The following MOB3B variants were observed in gnomAD, a reference collection of about 807,000 sequenced individuals.
The protein encoded by MOB3B is MOB kinase activator-like 2B.
In MOB3B, 7 loss-of-function variants were observed where a neutral mutation model predicts 18.7. The ratio of observed to expected loss-of-function variants is 0.37; its 90% CI spans 0.21 to 0.70. The LOEUF (loss-of-function observed/expected upper bound fraction) is 0.70. Ranked by LOEUF, MOB3B falls within the 30% of genes least tolerant of loss-of-function variation. The probability of loss-of-function intolerance (pLI) is 0.52; values close to 1 mark genes in which losing one functional copy is unlikely to be tolerated. For synonymous variants in MOB3B, 111 were observed against 99.9 expected (o/e 1.11, Z -0.66); for missense variants, 253 against 281.3 (o/e 0.90, Z 0.72).
At chr9:27,427,139 A>G (rs750319114) in intron 2 of MOB3B, among the ~76,000 whole-genome samples, 13 of 152,226 alleles carry the variant, frequency 8.5e-5, no homozygotes, top group Non-Finnish European at 1.8e-4. Context: ...TACCTGCATC[A>G]GAGTTCAGGG....
At chr9:27,490,956 C>A (rs558530720) in intron 1 of MOB3B, among the ~76,000 whole-genome samples, 1 of 140,976 alleles carries the variant, frequency 7.1e-6, no homozygotes, top group Non-Finnish European at 1.5e-5. Context: ...TTTATCAAAG[C>A]CCTAGATAGC....
chr9:27,511,911 C>T (rs1320873056), intron 1 of MOB3B, among the ~76,000 whole-genome samples: 2 of 152,200 alleles, frequency 1.3e-5, no homozygotes, highest in African/African-American at 4.8e-5. Flanking sequence ...CCTCTCCTTC[C>T]TGGGCACCTG....
intron 1 of MOB3B, among the ~76,000 whole-genome samples, chr9:27,486,614 G>A (rs571667323): frequency 3.9e-5 from 6 of 152,246 alleles, no homozygotes; most frequent in Admixed American, 3.3e-4. Flanking sequence ...TCAAGGGCCC[G>A]CATTCTGATT....
At chr9:27,440,379 CTT>C (rs11310943) in intron 2 of MOB3B, among the ~76,000 whole-genome samples, 47 of 143,684 alleles carry the variant, frequency 3.3e-4, no homozygotes, top group African/African-American at 8.6e-4. Flanking sequence ...ATGATTCCTT[CTT>C]TTTTTTTTTT....
chr9:27,505,789 G>A (rs930837607), intron 1 of MOB3B, among the ~76,000 whole-genome samples: 3 of 152,136 alleles, frequency 2.0e-5, no homozygotes, highest in Admixed American at 1.3e-4. Flanking sequence ...TGACTCACAC[G>A]TGCAAAGTAT....
intron 3 of MOB3B, among the ~76,000 whole-genome samples, chr9:27,356,996 G>A (rs1281599875): frequency 6.6e-6 from 1 of 150,604 alleles, no homozygotes. Context: ...CTGCCCCTGA[G>A]AGCCTTCTAG....
chr9:27,455,775 C>A (rs1314441074), intron 1 of MOB3B, 27 bp from the exon 2 acceptor site: 4 of 1,411,958 alleles, frequency 2.8e-6, no homozygotes, highest in Non-Finnish European at 3.7e-6. Context: ...AAAGGGAACA[C>A]ATGAGTGCCC....
intron 2 of MOB3B, among the ~76,000 whole-genome samples, chr9:27,431,883 C>T (rs766762644): frequency 2.0e-5 from 3 of 152,142 alleles, no homozygotes; most frequent in Admixed American, 6.5e-5. Context: ...ATCAACATGA[C>T]GGATAAACAC....
intron 2 of MOB3B, among the ~76,000 whole-genome samples, chr9:27,369,315 T>C (rs971054719): frequency 1.3e-5 from 2 of 152,244 alleles, no homozygotes; most frequent in African/African-American, 4.8e-5. Context: ...AGAATCTTTC[T>C]TCCATTATGT....
intron 2 of MOB3B, among the ~76,000 whole-genome samples, chr9:27,438,182 C>T (rs901594808): frequency 6.6e-6 from 1 of 152,180 alleles, no homozygotes; most frequent in Non-Finnish European, 1.5e-5. Context: ...GTCACCCTAC[C>T]GTATACTACT....
intron 1 of MOB3B, among the ~76,000 whole-genome samples, chr9:27,507,320 G>A (rs114347363): frequency 0.011 from 1,670 of 152,190 alleles, 35 homozygotes; most frequent in African/African-American, 0.038. Context: ...GGGATCCTCC[G>A]TGTATCTCAG....
At chr9:27,473,464 G>T (rs1422690117) in intron 1 of MOB3B, among the ~76,000 whole-genome samples, 2 of 152,044 alleles carry the variant, frequency 1.3e-5, no homozygotes, top group Admixed American at 1.3e-4. Context: ...GGAAAGAGAA[G>T]CTGTCCAAGC....
At chr9:27,352,703 A>C (rs937568595) in intron 3 of MOB3B, among the ~76,000 whole-genome samples, 8 of 152,146 alleles carry the variant, frequency 5.3e-5, no homozygotes, top group Non-Finnish European at 1.2e-4. Flanking sequence ...AAAATAGAAA[A>C]ATCTAGAGAC....
At chr9:27,516,300 C>T (rs1439373094) in intron 1 of MOB3B, among the ~76,000 whole-genome samples, 2 of 152,134 alleles carry the variant, frequency 1.3e-5, no homozygotes, top group Admixed American at 1.3e-4. Flanking sequence ...TCCTACAGCC[C>T]CAAGTGGCAG....
chr9:27,365,364 CT>C (rs55691019), intron 2 of MOB3B, among the ~76,000 whole-genome samples: 4,524 of 116,444 alleles, frequency 0.039, 179 homozygotes, highest in African/African-American at 0.11. Flanking sequence ...TCCTTCTTCT[CT>C]TTTTTTTTTT....
At chr9:27,332,580 A>G (rs967843238) in intron 3 of MOB3B, among the ~76,000 whole-genome samples, 8 of 152,240 alleles carry the variant, frequency 5.3e-5, no homozygotes, top group African/African-American at 1.9e-4. Context: ...TCCAATGGAC[A>G]GAGGAAGAAT....
intron 2 of MOB3B, chr9:27,378,459 G>T (rs1333288780): frequency 4.2e-6 from 2 of 471,318 alleles, no homozygotes; most frequent in Middle Eastern, 3.2e-4. Flanking sequence ...TGGCCAGAAT[G>T]ATTACATTCA....
At position 27,329,140 on chromosome 9, in the gene MOB3B, T is replaced by C. The variant is rs1463716451; in HGVS notation, c.*1447A>G. The C allele has an allele frequency of 1.3e-5, 2 of 152,226 alleles. No individual in the cohort carries two copies. The highest frequency in any genetic ancestry group is 4.8e-5 in the African/African-American group (2 of 41,458). The allele number at this position is 152,226 out of a possible 1,614,324, so 9.4% of individuals were successfully genotyped here. On this transcript the variant is annotated 3_prime_UTR_variant, in exon 4 of 4. Coordinates refer to ENST00000262244, the MANE Select transcript of MOB3B (RefSeq NM_024761.5). The stretch of plus-strand genomic sequence containing the variant: ...ATAAAACAAAATCAGAGTCATTTAG[T>C]TATTCTTTAATCATTATTACTTTAA...
intron 2 of MOB3B, among the ~76,000 whole-genome samples, chr9:27,451,519 A>C (rs959985764): frequency 2.0e-5 from 3 of 152,218 alleles, no homozygotes; most frequent in Non-Finnish European, 4.4e-5. Context: ...TTCTTTCCTC[A>C]ATGTTTCAAT....
Sources: gnomAD v4.1 joint callset for allele counts (sites outside exome capture counted in the v4.1 genomes callset) on GRCh38, gnomAD v4.1.1 for gene constraint, MANE v1.5 for transcripts, NCBI Gene and HGNC (gene_info 2026-07-23, HGNC 2026-07-21) for gene names.